CACNA1C: variants seen among roughly 807,000 people sequenced by gnomAD.
The protein encoded by CACNA1C is voltage-dependent L-type calcium channel subunit alpha-1C.
A neutral mutation model predicts 229.0 loss-of-function variants in CACNA1C; 30 were observed. The observed-to-expected ratio is 0.13, with a 90% CI of 0.10 to 0.18. The LOEUF (loss-of-function observed/expected upper bound fraction) is 0.18, where lower values mean the gene tolerates loss of function less well. Ranked by LOEUF, CACNA1C falls within the 10% of genes least tolerant of loss-of-function variation. CACNA1C has a pLI of 1.00. For missense variants in CACNA1C, 1,658 were observed against 2,845.0 expected, an observed-to-expected ratio of 0.58 and a Z score of 9.49; for synonymous variants, 1,114 against 1,132.5, an observed-to-expected ratio of 0.98 and a Z score of 0.33.
At chr12:2,463,411 T>C (rs571274817) in intron 5 of CACNA1C, among the ~76,000 whole-genome samples, 1 of 152,278 alleles carries the variant, frequency 6.6e-6, no homozygotes, top group East Asian at 1.9e-4. Flanking sequence ...AGATGCTAAG[T>C]GTGTTCTAGA....
chr12:2,094,037 C>T (rs1162032347), intron 1 of CACNA1C, among the ~76,000 whole-genome samples: 1 of 152,228 alleles, frequency 6.6e-6, no homozygotes, highest in Non-Finnish European at 1.5e-5. Context: ...GCTGGGTCAC[C>T]CCAAAGATTC....
rs1246456021 is a variant in CACNA1C, at chr12:2,608,447, C to T, written c.3357-64C>T. 8.7e-6 allele frequency: 11 copies of T among 1,267,558 alleles called. No individual in the cohort carries two copies. Among genetic ancestry groups the T allele is most frequent in the Middle Eastern group, 2.4e-4 (1 of 4,138 alleles). 78.5% of individuals were successfully genotyped at this position (1,267,558 alleles called of 1,614,324 possible). A position where few individuals can be genotyped will look rare whatever the true frequency, so the allele number is the denominator to read the frequency against. On this transcript the variant is annotated intron_variant, in intron 26 of 46. Coordinates refer to ENST00000399655, the MANE Select transcript of CACNA1C (RefSeq NM_000719.7). The surrounding 1 kb of genome is among the most constrained non-coding windows in gnomAD (Gnocchi z 4.2). ...CCTGGGATCCCTGGAGCAGTGGTGC[C>T]GTCCTTCCGCAGAGGGGACCCTGCT...
At chr12:2,472,216 A>T (rs576967721) in intron 5 of CACNA1C, among the ~76,000 whole-genome samples, 1 of 151,076 alleles carries the variant, frequency 6.6e-6, no homozygotes, top group African/African-American at 2.4e-5. Context: ...CTCCATTCTC[A>T]CTCTTCTCTT....
chr12:2,539,107 T>G (rs576763333), intron 9 of CACNA1C, among the ~76,000 whole-genome samples: 1 of 152,370 alleles, frequency 6.6e-6, no homozygotes, highest in African/African-American at 2.4e-5. Flanking sequence ...ACACTTTCTT[T>G]TGTCAGTGGG....
intron 3 of CACNA1C, among the ~76,000 whole-genome samples, chr12:2,395,086 C>A (rs1003763959): frequency 6.6e-6 from 1 of 152,140 alleles, no homozygotes; most frequent in Non-Finnish European, 1.5e-5. Flanking sequence ...GTAGCACAGT[C>A]ATAGCTCACT....
At chr12:2,123,240 G>A (rs139068047) in intron 3 of CACNA1C, among the ~76,000 whole-genome samples, 2,212 of 152,184 alleles carry the variant, frequency 0.015, 44 homozygotes, top group African/African-American at 0.049. Flanking sequence ...GCCAGGCGTG[G>A]TGGCGGGCAC....
At chr12:2,384,747 G>A (rs531140659) in intron 3 of CACNA1C, among the ~76,000 whole-genome samples, 2 of 152,194 alleles carry the variant, frequency 1.3e-5, no homozygotes, top group African/African-American at 4.8e-5. Flanking sequence ...TATAGTACCA[G>A]TAGAGGCACT....
intron 13 of CACNA1C, among the ~76,000 whole-genome samples, chr12:2,569,899 C>A (rs191378025): frequency 3.4e-4 from 52 of 152,312 alleles, no homozygotes; most frequent in Admixed American, 7.8e-4. Context: ...AAGCATCTTA[C>A]ATTTCCACCA....
chr12:2,605,034 C>A lies in CACNA1C; in HGVS notation c.2961-47C>A. The A allele has an allele frequency of 7.0e-7, 1 of 1,422,048 alleles. No individual in the cohort carries two copies. Among genetic ancestry groups the A allele is most frequent in the South Asian group, 1.1e-5 (1 of 87,168 alleles). 88.1% of individuals were successfully genotyped at this position (1,422,048 alleles called of 1,614,324 possible). ...CCCTTACCACATTATTTTTGCTCCCCCCAGAAACAGGAGGAGCTTACTACC... is the reference window on the plus strand; with the variant it reads ...CCCTTACCACATTATTTTTGCTCCCACCAGAAACAGGAGGAGCTTACTACC... On this transcript the variant is annotated intron_variant, in intron 22 of 46. Transcript: ENST00000399655. This position sits in a 1 kb window ranked among gnomAD's most constrained non-coding sequence, Gnocchi z 6.2.
At chr12:2,268,952 C>G (rs566074442) in intron 3 of CACNA1C, among the ~76,000 whole-genome samples, 1 of 152,250 alleles carries the variant, frequency 6.6e-6, no homozygotes, top group South Asian at 2.1e-4. Flanking sequence ...AGAGTCTTAC[C>G]TCCTTGGCTT....
At position 2,338,413 on chromosome 12, in the gene CACNA1C, G is replaced by A. The variant is rs1031111934; in HGVS notation, c.478-110563G>A. On this transcript the variant is annotated intron_variant, in intron 3 of 46. Transcript: ENST00000399655. ...ATGCCAAGGCCAATGGACACATGCC[G>A]TCCACAGGTCCTGGCTGTGTGGCTC... Among the ~76,000 whole-genome samples the A allele has an allele frequency of 5.3e-5, 8 of 152,144 alleles. No individual in the cohort carries two copies. In the East Asian group the frequency reaches 5.8e-4, roughly 11 times the overall value.
At chr12:2,674,160 G>T (rs1273183605) in intron 38 of CACNA1C, among the ~76,000 whole-genome samples, 1 of 152,126 alleles carries the variant, frequency 6.6e-6, no homozygotes, top group Non-Finnish European at 1.5e-5. Context: ...CCCGTGGCAG[G>T]GCCATACGTG....
intron 5 of CACNA1C, among the ~76,000 whole-genome samples, chr12:2,459,450 G>T (rs2099483704): frequency 6.6e-6 from 1 of 152,142 alleles, no homozygotes; most frequent in South Asian, 2.1e-4. Context: ...ATAAGCAAAA[G>T]AAAGAGTTTG....
intron 1 of CACNA1C, among the ~76,000 whole-genome samples, chr12:1,986,964 C>G (rs553186725): frequency 1.3e-5 from 2 of 152,060 alleles, no homozygotes; most frequent in South Asian, 2.1e-4. Flanking sequence ...ATGAAACATC[C>G]CAAGTAACAC....
At position 2,282,285 on chromosome 12, in the gene CACNA1C, TCTC is replaced by T. The variant is rs1253530108; in HGVS notation, c.477+161858_477+161860del. On this transcript the variant is annotated intron_variant, in intron 3 of 46. Coordinates refer to ENST00000399655, the MANE Select transcript of CACNA1C (RefSeq NM_000719.7). ...AGGCTGGATTAGGGTACATCCAATT[TCTC>T]CTGCTTCCTCCCTCTTCTTCTTTCC... is the stretch of plus-strand genomic sequence containing the variant. Among the ~76,000 whole-genome samples, 9 of 152,144 alleles carry T rather than the reference TCTC, an allele frequency of 5.9e-5. 1 individual carries two copies. The highest frequency in any genetic ancestry group is 5.9e-4 in the Admixed American group (9 of 15,274).
chr12:2,296,419 C>T (rs916131287), intron 3 of CACNA1C, among the ~76,000 whole-genome samples: 1 of 152,232 alleles, frequency 6.6e-6, no homozygotes, highest in Non-Finnish European at 1.5e-5. Flanking sequence ...CCTCTGGGCT[C>T]TGGGGGAGTC....
intron 1 of CACNA1C, among the ~76,000 whole-genome samples, chr12:2,027,334 C>A (rs2047502746): frequency 6.6e-6 from 1 of 152,184 alleles, no homozygotes; most frequent in Non-Finnish European, 1.5e-5. Context: ...GGAGATCAAT[C>A]TTTCTTCTCT....
At chr12:2,460,295 A>G (rs764449745) in intron 5 of CACNA1C, among the ~76,000 whole-genome samples, 2 of 152,226 alleles carry the variant, frequency 1.3e-5, no homozygotes, top group Admixed American at 6.5e-5. Flanking sequence ...AGCGAGTCAC[A>G]TGGCCACCCT....
rs908790215 is a variant in CACNA1C, at chr12:2,688,338, G to C, written c.5785-109G>C. ...AATGGCATGGGAATACCAGGCAGGT[G>C]GAGCTAGCTGGACACAGCAGCTGCA... On this transcript the variant is annotated intron_variant, in intron 45 of 46. Coordinates refer to ENST00000399655, the MANE Select transcript of CACNA1C (RefSeq NM_000719.7). 5.2e-6 allele frequency: 5 copies of C among 965,972 alleles called. No individual in the cohort carries two copies. In the African/African-American group the frequency reaches 6.4e-5, roughly 12 times the overall value. The allele number at this position is 965,972 out of a possible 1,614,324, so 59.8% of individuals were successfully genotyped here.
Sources: allele counts gnomAD v4.1 joint callset (sites outside exome capture counted in the v4.1 genomes callset), GRCh38; gene constraint gnomAD v4.1.1; non-coding constraint Gnocchi (gnomAD v3.1); transcripts MANE v1.5; gene names NCBI Gene and HGNC (gene_info 2026-07-23, HGNC 2026-07-21).